The following RSL24D1 variants were observed in gnomAD, a reference collection of about 807,000 sequenced individuals.
RSL24D1 encodes ribosomal L24 domain containing 1.
A neutral mutation model predicts 26.2 loss-of-function variants in RSL24D1; 6 were observed. That is an observed-to-expected ratio of 0.23 (90% CI 0.13 to 0.45). RSL24D1 has a LOEUF of 0.45. RSL24D1 is among the 20% of genes least tolerant of loss of function. RSL24D1 has a pLI of 0.99. For missense variants in RSL24D1, 176 were observed against 202.6 expected (o/e 0.87, Z 0.80); for synonymous variants, 61 against 59.1 (o/e 1.03, Z -0.15).
At position 55,181,973 on chromosome 15, in the gene RSL24D1, C is replaced by T. The variant is rs1894171811; in HGVS notation, c.*179G>A. 1 of 529,804 alleles carries T rather than the reference C, an allele frequency of 1.9e-6. No individual in the cohort carries two copies. Among genetic ancestry groups the T allele is most frequent in the Admixed American group, 3.3e-5 (1 of 30,532 alleles). 32.8% of individuals were successfully genotyped at this position (529,804 alleles called of 1,614,324 possible). The stretch of plus-strand genomic sequence containing the variant: ...AGTACATCTATCAGTAAAGATTTAA[C>T]ACTGAGATGCAATCTAACATCCGTA... On this transcript the variant is annotated 3_prime_UTR_variant, in exon 6 of 6. Transcript: ENST00000260443.
intron 3 of RSL24D1, among the ~76,000 whole-genome samples, chr15:55,187,992 T>C (rs569526666): frequency 1.3e-5 from 2 of 152,314 alleles, no homozygotes; most frequent in African/African-American, 4.8e-5. Context: ...CAGACAGCCA[T>C]GAGGGACAAA....
intron 3 of RSL24D1, among the ~76,000 whole-genome samples, chr15:55,189,260 T>C (rs1451635083): frequency 6.6e-6 from 1 of 152,096 alleles, no homozygotes; most frequent in Admixed American, 6.5e-5. Context: ...AGAGTGCCTT[T>C]TGAAATCAAT....
intron 1 of RSL24D1, among the ~76,000 whole-genome samples, chr15:55,196,039 G>C (rs1005578032): frequency 6.6e-6 from 1 of 152,166 alleles, no homozygotes; most frequent in African/African-American, 2.4e-5. Context: ...AGAAAGAGAG[G>C]AACGGGATTC....
At position 55,185,389 on chromosome 15, in the gene RSL24D1, T is replaced by A. The variant is rs1894213855; in HGVS notation, c.305A>T (p.Lys102Met). ...AMKRVEEIKQ[K>M]RQAKFIMNRL... ...GTTCATTATAAATTTAGCTTGGCGC[T>A]TCTGTTTGATTTCTTCAACTCTCTT... The change falls in exon 4 of 6, where the codon AAG (lysine) becomes ATG (methionine). Residue 102 changes from lysine to methionine, a missense_variant. Lys to Met is a moderately conservative substitution (Grantham distance 95). Coordinates refer to ENST00000260443, the MANE Select transcript of RSL24D1 (RefSeq NM_016304.3). The A allele has an allele frequency of 6.2e-7, 1 of 1,609,010 alleles. No homozygotes were observed. The highest frequency in any genetic ancestry group is 8.5e-7 in the Non-Finnish European group (1 of 1,178,326).
rs1025345626 is a variant in RSL24D1, at chr15:55,183,948, A to G, written c.333-548T>C. Among the ~76,000 whole-genome samples the G allele has an allele frequency of 4.6e-5, 7 of 152,240 alleles. No homozygotes were observed. In the South Asian group the frequency reaches 1.4e-3, roughly 31 times the overall value. On this transcript the variant is annotated intron_variant, in intron 4 of 5. Coordinates refer to ENST00000260443, the MANE Select transcript of RSL24D1 (RefSeq NM_016304.3). ...CTACATAAAACAACCTTTAACTGTT[A>G]CAGTGCCTAGATCTTTTCTCCTCAA...
At chr15:55,187,504 T>C (rs1435962060) in intron 3 of RSL24D1, among the ~76,000 whole-genome samples, 1 of 152,080 alleles carries the variant, frequency 6.6e-6, no homozygotes, top group Non-Finnish European at 1.5e-5. Flanking sequence ...TAAGTGCCCA[T>C]CGACCAACAA....
intron 1 of RSL24D1, among the ~76,000 whole-genome samples, chr15:55,194,830 ACACACACAAT>A (rs1371458508): frequency 2.6e-5 from 4 of 151,140 alleles, no homozygotes; most frequent in Non-Finnish European, 4.4e-5. Context: ...ACACACACAC[ACACACACAAT>A]GTTAATCTCC....
chr15:55,189,709 T>C (rs1450059739), intron 3 of RSL24D1, among the ~76,000 whole-genome samples: 1 of 152,176 alleles, frequency 6.6e-6, no homozygotes, highest in Non-Finnish European at 1.5e-5. Context: ...AGCCAAAGAT[T>C]GGATGCCCCT....
chr15:55,189,744 A>G (rs112306474), intron 3 of RSL24D1, among the ~76,000 whole-genome samples: 39 of 152,322 alleles, frequency 2.6e-4, no homozygotes, highest in African/African-American at 8.7e-4. Context: ...AAATACTACC[A>G]CAAAGGTCCA....
intron 3 of RSL24D1, among the ~76,000 whole-genome samples, chr15:55,189,140 C>T (rs1894262727): frequency 6.7e-6 from 1 of 150,174 alleles, no homozygotes; most frequent in South Asian, 2.1e-4. Context: ...TTGCAGTGAG[C>T]CGAGATCCCA....
At chr15:55,186,044 AAACG>A (rs1367447646) in intron 3 of RSL24D1, among the ~76,000 whole-genome samples, 2 of 152,208 alleles carry the variant, frequency 1.3e-5, no homozygotes, top group Non-Finnish European at 2.9e-5. Flanking sequence ...TTTAAAGTAA[AAACG>A]AACAGGAGGA....
intron 4 of RSL24D1, 112 bp downstream of exon 4, chr15:55,185,250 T>C (rs1894212116): frequency 1.6e-6 from 1 of 616,932 alleles, no homozygotes; most frequent in South Asian, 2.7e-5. Flanking sequence ...CTTGAAGTTT[T>C]TGGTAAGTCT....
At chr15:55,184,548 T>C (rs1196225178) in intron 4 of RSL24D1, among the ~76,000 whole-genome samples, 2 of 152,162 alleles carry the variant, frequency 1.3e-5, no homozygotes, top group African/African-American at 4.8e-5. Flanking sequence ...ACAATAGTAG[T>C]AACTGATTCA....
intron 1 of RSL24D1, chr15:55,196,559 G>A (rs1894359430): frequency 1.7e-6 from 1 of 582,216 alleles, no homozygotes; most frequent in Non-Finnish European, 3.1e-6. Context: ...AGCTGGGATC[G>A]CTCCTGAAGT....
intron 1 of RSL24D1, 157 bp downstream of exon 1, chr15:55,196,653 C>A: frequency 4.6e-6 from 3 of 654,934 alleles, no homozygotes; most frequent in Non-Finnish European, 8.0e-6. Context: ...CGAAGCGGAA[C>A]GTTGAGAACG....
chr15:55,188,932 C>CT (rs1194959769), intron 3 of RSL24D1, among the ~76,000 whole-genome samples: 2 of 152,180 alleles, frequency 1.3e-5, no homozygotes, highest in African/African-American at 4.8e-5. Context: ...AGGCTCACGC[C>CT]TGTAATCCCA....
At chr15:55,190,938 C>T in intron 3 of RSL24D1, 37 bp downstream of exon 3, 1 of 1,363,644 alleles carries the variant, frequency 7.3e-7, no homozygotes, top group South Asian at 1.2e-5. Flanking sequence ...CCAAACCAGT[C>T]TCTCCTCAAA....
intron 2 of RSL24D1, among the ~76,000 whole-genome samples, chr15:55,191,540 T>C (rs958014813): frequency 6.6e-6 from 1 of 151,738 alleles, no homozygotes; most frequent in African/African-American, 2.4e-5. Flanking sequence ...CAAAAAGGTA[T>C]GAAAACTATA....
chr15:55,196,482 G>T (rs1397574123), intron 1 of RSL24D1: 3 of 555,986 alleles, frequency 5.4e-6, no homozygotes, highest in Non-Finnish European at 1.0e-5. Context: ...CTGGATTCAA[G>T]AATTTGGCCC....
Sources: gnomAD v4.1 joint callset for allele counts (sites outside exome capture counted in the v4.1 genomes callset) on GRCh38, gnomAD v4.1.1 for gene constraint, MANE v1.5 for transcripts, NCBI Gene and HGNC (gene_info 2026-07-23, HGNC 2026-07-21) for gene names.